The following ZNF521 variants were observed in gnomAD, a reference collection of about 807,000 sequenced individuals.
ZNF521 encodes the protein zinc finger protein 521.
In ZNF521, 14 loss-of-function variants were observed where a neutral mutation model predicts 105.5. That is an observed-to-expected ratio of 0.13 (90% confidence interval 0.09 to 0.21). The LOEUF (loss-of-function observed/expected upper bound fraction) is 0.21, where lower values mean the gene tolerates loss of function less well. Among genes scored for constraint, ZNF521 ranks in the 10% least tolerant of loss-of-function variants. The pLI, the probability that ZNF521 is intolerant of heterozygous loss-of-function variation, is 1.00. For missense variants in ZNF521, 1,233 were observed against 1,629.7 expected, an observed-to-expected ratio of 0.76 and a Z score of 4.19; for synonymous variants, 635 against 606.0, an observed-to-expected ratio of 1.05 and a Z score of -0.70.
chr18:25,174,977 G>T (rs762089943), intron 5 of ZNF521, among the ~76,000 whole-genome samples: 12 of 152,066 alleles, frequency 7.9e-5, no homozygotes, highest in Non-Finnish European at 1.5e-4. Context: ...CATGACCAAG[G>T]TCCAGCGGTA....
chr18:25,281,337 C>T (rs532951286), intron 3 of ZNF521, among the ~76,000 whole-genome samples: 24 of 152,304 alleles, frequency 1.6e-4, no homozygotes, highest in African/African-American at 5.5e-4. Context: ...AGGAAATGTC[C>T]TCCTCATTCC....
At chr18:25,297,086 C>T (rs184096600) in intron 3 of ZNF521, among the ~76,000 whole-genome samples, 6 of 151,614 alleles carry the variant, frequency 4.0e-5, no homozygotes, top group Admixed American at 6.6e-5. Context: ...CACATACACA[C>T]ACACACATAT....
intron 3 of ZNF521, among the ~76,000 whole-genome samples, chr18:25,282,381 G>A (rs1265986517): frequency 6.6e-6 from 1 of 152,112 alleles, no homozygotes; most frequent in Non-Finnish European, 1.5e-5. Context: ...CCAGTGCGTC[G>A]GGCCACTAGA....
intron 3 of ZNF521, among the ~76,000 whole-genome samples, chr18:25,289,923 T>A (rs1910918890): frequency 6.6e-6 from 1 of 152,222 alleles, no homozygotes; most frequent in Non-Finnish European, 1.5e-5. Context: ...AATATCCTTT[T>A]AATAAGCCCT....
chr18:25,224,327 T>A lies in ZNF521; in HGVS notation c.3573+18A>T. On this transcript the variant is annotated intron_variant, in intron 4 of 7. Coordinates refer to ENST00000361524, the MANE Select transcript of ZNF521 (RefSeq NM_015461.3). ...TCTTGAGGAGGTTAAATAGCAAACA[T>A]TAAAAAAGGCGAGTTACCTCATCCG... The A allele has an allele frequency of 6.3e-7, 1 of 1,593,078 alleles. No individual in the cohort carries two copies. The highest frequency in any genetic ancestry group is 2.2e-5 in the East Asian group (1 of 44,496).
chr18:25,327,729 G>C, intron 2 of ZNF521: 1 of 517,176 alleles, frequency 1.9e-6, no homozygotes, highest in Admixed American at 1.9e-5. Flanking sequence ...GAAATAAATC[G>C]CACACTGTTA....
At chr18:25,102,474 TA>T (rs2033986038) in intron 5 of ZNF521, among the ~76,000 whole-genome samples, 2 of 151,346 alleles carry the variant, frequency 1.3e-5, no homozygotes, top group Non-Finnish European at 2.9e-5. Context: ...ATGCTCTAAC[TA>T]AGGACTTTTT....
chr18:25,311,486 A>G (rs1912305229), intron 3 of ZNF521, among the ~76,000 whole-genome samples: 1 of 152,172 alleles, frequency 6.6e-6, no homozygotes, highest in African/African-American at 2.4e-5. Flanking sequence ...ACACAACTGT[A>G]TCCAAATAGC....
intron 4 of ZNF521, among the ~76,000 whole-genome samples, chr18:25,200,030 C>A (rs1412607608): frequency 6.6e-6 from 1 of 151,892 alleles, no homozygotes; most frequent in Non-Finnish European, 1.5e-5. Context: ...GATTATTATC[C>A]TCATTTATAG....
chr18:25,141,132 T>C (rs182944501), intron 5 of ZNF521, among the ~76,000 whole-genome samples: 19 of 152,298 alleles, frequency 1.2e-4, no homozygotes, highest in Admixed American at 4.6e-4. Flanking sequence ...AGCAACTCAA[T>C]GGGTTCCAGC....
intron 7 of ZNF521, among the ~76,000 whole-genome samples, chr18:25,067,504 C>CT (rs1216427419): frequency 6.6e-6 from 1 of 152,094 alleles, no homozygotes; most frequent in Non-Finnish European, 1.5e-5. Flanking sequence ...ATTCAGCCTC[C>CT]TTTTTTTCTG....
chr18:25,217,029 G>A (rs1034371177), intron 4 of ZNF521, among the ~76,000 whole-genome samples: 3 of 152,142 alleles, frequency 2.0e-5, no homozygotes, highest in Non-Finnish European at 4.4e-5. Context: ...TCAGGATCTG[G>A]GCAGAGTTAA....
rs758778969 is a variant in ZNF521, at chr18:25,352,100, G to A, written c.-97C>T. 4.1e-6 allele frequency: 2 copies of A among 483,282 alleles called. No individual in the cohort carries two copies. The highest frequency in any genetic ancestry group is 2.0e-5 in the African/African-American group (1 of 50,468). The allele number at this position is 483,282 out of a possible 1,614,324, so 29.9% of individuals were successfully genotyped here. A position where few individuals can be genotyped will look rare whatever the true frequency, so the allele number is the denominator to read the frequency against. On this transcript the variant is annotated 5_prime_UTR_variant, in exon 1 of 8. Transcript: ENST00000361524. ...AAAGCCATCAGGATGGCTCCAGAGG[G>A]GGCCCCTAACCCGCAGGGACTCGCT...
In ZNF521 at chr18:25,091,468, C is replaced by A. The variant is rs376936679; in HGVS notation, c.3790+482G>T. 2.4e-4 allele frequency among the ~76,000 whole-genome samples: 37 copies of A among 151,972 alleles called. 5 individuals carry two copies. The highest frequency in any genetic ancestry group is 1.9e-3 in the Admixed American group (29 of 15,234). ...GTAAATGCCTCATCTAATCTGTTTT[C>A]CATGTCAGAGAATTTGGGGTGAGTT... On this transcript the variant is annotated intron_variant, in intron 6 of 7. Transcript: ENST00000361524.
intron 3 of ZNF521, among the ~76,000 whole-genome samples, chr18:25,244,364 C>T (rs2144813949): frequency 6.6e-6 from 1 of 152,018 alleles, no homozygotes; most frequent in South Asian, 2.1e-4. Context: ...CCTTTAAGAG[C>T]CACTGTACTT....
intron 4 of ZNF521, among the ~76,000 whole-genome samples, chr18:25,199,259 G>A (rs767484033): frequency 6.0e-5 from 9 of 150,750 alleles, no homozygotes; most frequent in Non-Finnish European, 1.3e-4. Flanking sequence ...CTCAAATCCA[G>A]AATATTCTTC....
At chr18:25,224,258 A>C in intron 4 of ZNF521, 87 bp downstream of exon 4, 7 of 1,246,994 alleles carry the variant, frequency 5.6e-6, no homozygotes, top group Non-Finnish European at 6.7e-6. Context: ...GCCCATGACA[A>C]TAAATAAAGC....
chr18:25,314,050 A>G (rs1383237257), intron 3 of ZNF521, among the ~76,000 whole-genome samples: 3 of 151,952 alleles, frequency 2.0e-5, no homozygotes, highest in Non-Finnish European at 4.4e-5. Flanking sequence ...CAAAGTATGA[A>G]TAATGAATTA....
intron 2 of ZNF521, among the ~76,000 whole-genome samples, chr18:25,338,901 G>T (rs536041834): frequency 1.3e-5 from 2 of 152,288 alleles, no homozygotes; most frequent in Admixed American, 6.5e-5. Flanking sequence ...TTGTTAAATT[G>T]TCTCACAATT....
Sources: allele counts gnomAD v4.1 joint callset (sites outside exome capture counted in the v4.1 genomes callset), GRCh38; gene constraint gnomAD v4.1.1; transcripts MANE v1.5; gene names NCBI Gene and HGNC (gene_info 2026-07-23, HGNC 2026-07-21).